The following FBXW11 variants were observed in gnomAD, a reference collection of about 807,000 sequenced individuals.
FBXW11 encodes F-box/WD repeat-containing protein 11.
A neutral mutation model predicts 77.6 loss-of-function variants in FBXW11; 19 were observed. The observed-to-expected ratio is 0.24, with a 90% confidence interval of 0.17 to 0.36. The LOEUF is 0.36. FBXW11 is among the 10% of genes least tolerant of loss of function. FBXW11 has a pLI of 1.00. For missense variants in FBXW11, 334 were observed against 704.2 expected (o/e 0.47, Z 5.95); for synonymous variants, 235 against 249.4 (o/e 0.94, Z 0.54).
chr5:171,986,662 G>A (rs1328983637), intron 1 of FBXW11, among the ~76,000 whole-genome samples: 2 of 151,790 alleles, frequency 1.3e-5, no homozygotes, highest in African/African-American at 4.9e-5. Flanking sequence ...AGGAAGTAAG[G>A]GTTGCAGTGA....
chr5:171,877,831 AC>A (rs1425115871), intron 8 of FBXW11, among the ~76,000 whole-genome samples, 179 bp downstream of exon 8: 1 of 152,170 alleles, frequency 6.6e-6, no homozygotes, highest in Non-Finnish European at 1.5e-5. Context: ...GGAATAGAAC[AC>A]CCTTAACAAA....
chr5:171,916,792 G>C (rs1398244439), intron 2 of FBXW11, among the ~76,000 whole-genome samples: 4 of 152,182 alleles, frequency 2.6e-5, no homozygotes, highest in African/African-American at 9.7e-5. Flanking sequence ...GCACGGAAAG[G>C]AATGAGGAAT....
At chr5:171,917,260 T>C (rs1278723373) in intron 2 of FBXW11, among the ~76,000 whole-genome samples, 1 of 152,186 alleles carries the variant, frequency 6.6e-6, no homozygotes, top group Non-Finnish European at 1.5e-5. Context: ...TTTTGAAATA[T>C]AGGAGCCAGA....
chr5:171,983,980 T>C (rs1195435085), intron 1 of FBXW11, among the ~76,000 whole-genome samples: 1 of 149,428 alleles, frequency 6.7e-6, no homozygotes, highest in East Asian at 2.0e-4. Flanking sequence ...GAATAATGCA[T>C]AGAAAAAAAA....
chr5:171,967,143 C>G (rs1484741279), intron 1 of FBXW11, among the ~76,000 whole-genome samples: 1 of 152,198 alleles, frequency 6.6e-6, no homozygotes, highest in Non-Finnish European at 1.5e-5. Flanking sequence ...CTGATTGATA[C>G]AATCTCTGGT....
chr5:171,949,143 T>C (rs771316797), intron 2 of FBXW11, among the ~76,000 whole-genome samples: 2 of 152,208 alleles, frequency 1.3e-5, no homozygotes, highest in Non-Finnish European at 2.9e-5. Context: ...TTCAAACTAG[T>C]ACAACATATA....
intron 1 of FBXW11, among the ~76,000 whole-genome samples, chr5:171,966,446 G>C (rs1764191376): frequency 6.6e-6 from 1 of 152,216 alleles, no homozygotes; most frequent in East Asian, 1.9e-4. Context: ...GAAAGAATTA[G>C]ATGTTTGAGG....
At chr5:171,999,708 A>C (rs1455203120) in intron 1 of FBXW11, among the ~76,000 whole-genome samples, 11 of 152,212 alleles carry the variant, frequency 7.2e-5, no homozygotes, top group Non-Finnish European at 1.5e-5. Context: ...TCACAATAGT[A>C]GAACCTCAGT....
At chr5:171,985,730 G>A (rs1765400794) in intron 1 of FBXW11, among the ~76,000 whole-genome samples, 1 of 152,124 alleles carries the variant, frequency 6.6e-6, no homozygotes, top group Non-Finnish European at 1.5e-5. Context: ...CTGCACCTCT[G>A]CACCACTTCA....
At chr5:171,991,009 A>G (rs1765705236) in intron 1 of FBXW11, among the ~76,000 whole-genome samples, 1 of 152,068 alleles carries the variant, frequency 6.6e-6, no homozygotes, top group Admixed American at 6.6e-5. Context: ...TATTTTTAGT[A>G]GAGACGGGGT....
intron 2 of FBXW11, among the ~76,000 whole-genome samples, chr5:171,933,971 T>C (rs1762349868): frequency 6.6e-6 from 1 of 152,248 alleles, no homozygotes; most frequent in Non-Finnish European, 1.5e-5. Flanking sequence ...CAAGCCTTTC[T>C]TAACTAAGGT....
chr5:171,914,221 A>C, intron 3 of FBXW11, 122 bp downstream of exon 3: 2 of 783,766 alleles, frequency 2.6e-6, no homozygotes, highest in Non-Finnish European at 4.1e-6. Flanking sequence ...TTCTGAAACT[A>C]GCAAAACTGC....
chr5:171,877,398 C>T (rs778156085), intron 8 of FBXW11, among the ~76,000 whole-genome samples: 2 of 152,182 alleles, frequency 1.3e-5, no homozygotes, highest in Non-Finnish European at 2.9e-5. Flanking sequence ...CCTCATCAAT[C>T]ACCGCATCCA....
intron 1 of FBXW11, among the ~76,000 whole-genome samples, chr5:171,961,529 T>A (rs1763907691): frequency 6.6e-6 from 1 of 152,194 alleles, no homozygotes; most frequent in Non-Finnish European, 1.5e-5. Flanking sequence ...TCCTCTTAGG[T>A]CTTAGATCTA....
chr5:171,938,143 A>G (rs1762572365), intron 2 of FBXW11, among the ~76,000 whole-genome samples: 1 of 152,124 alleles, frequency 6.6e-6, no homozygotes, highest in Non-Finnish European at 1.5e-5. Context: ...CTACAGCCTC[A>G]CTCTTCCAGA....
At chr5:171,925,014 T>A (rs1292519581) in intron 2 of FBXW11, among the ~76,000 whole-genome samples, 1 of 152,060 alleles carries the variant, frequency 6.6e-6, no homozygotes, top group East Asian at 1.9e-4. Flanking sequence ...GAGTGCGGGA[T>A]CAGGGCCAGG....
At chr5:171,922,913 G>T (rs1761675019) in intron 2 of FBXW11, among the ~76,000 whole-genome samples, 1 of 151,994 alleles carries the variant, frequency 6.6e-6, no homozygotes, top group South Asian at 2.1e-4. Context: ...GTGCGTGTGT[G>T]TGTGTGTGCG....
At chr5:171,899,395 C>T (rs1759963778) in intron 5 of FBXW11, among the ~76,000 whole-genome samples, 1 of 152,144 alleles carries the variant, frequency 6.6e-6, no homozygotes, top group Non-Finnish European at 1.5e-5. Context: ...ACTTAGTACA[C>T]ATCAAACTTC....
In FBXW11 at chr5:171,861,658, T is replaced by C. The variant is rs957159994; in HGVS notation, c.*2469A>G. On this transcript the variant is annotated 3_prime_UTR_variant, in exon 14 of 14. Transcript: ENST00000517395. ...CTGCATAATACCCATACTCGATTTA[T>C]TGACATTACTTAGCAATTTACTGGA... The C allele has an allele frequency of 1.3e-5, 2 of 152,672 alleles. No individual in the cohort carries two copies. Among genetic ancestry groups the C allele is most frequent in the African/African-American group, 2.4e-5 (1 of 41,458 alleles). 9.5% of individuals were successfully genotyped at this position (152,672 alleles called of 1,614,324 possible).
Sources: gnomAD v4.1 joint callset for allele counts (sites outside exome capture counted in the v4.1 genomes callset) on GRCh38, gnomAD v4.1.1 for gene constraint, MANE v1.5 for transcripts, NCBI Gene and HGNC (gene_info 2026-07-23, HGNC 2026-07-21) for gene names.